Variants in ALOX5 observed in about 807,000 individuals in gnomAD.
ALOX5 encodes polyunsaturated fatty acid 5-lipoxygenase.
ALOX5 carries 64 observed loss-of-function variants against 87.9 expected under a neutral mutation model. The ratio of observed to expected loss-of-function variants is 0.73; its 90% confidence interval spans 0.60 to 0.90. The LOEUF is 0.90. Among genes scored for constraint, ALOX5 ranks in the 40% least tolerant of loss-of-function variants. ALOX5 has a pLI of 0.00. For synonymous variants in ALOX5, 388 were observed against 355.1 expected (o/e 1.09, Z -1.04); for missense variants, 822 against 907.5 (o/e 0.91, Z 1.21).
At chr10:45,445,284 G>T (rs556941953) in intron 13 of ALOX5, among the ~76,000 whole-genome samples, 12 of 152,358 alleles carry the variant, frequency 7.9e-5, no homozygotes, top group African/African-American at 2.9e-4. Flanking sequence ...ACTTATCCAT[G>T]AAGCCCCAGC....
chr10:45,438,226 G>C (rs930674491), intron 7 of ALOX5, among the ~76,000 whole-genome samples: 1 of 151,760 alleles, frequency 6.6e-6, no homozygotes, highest in African/African-American at 2.4e-5. Context: ...AGGGGTGAGA[G>C]TGGACATCCT....
intron 2 of ALOX5, among the ~76,000 whole-genome samples, chr10:45,389,306 A>G (rs555627224): frequency 2.0e-5 from 3 of 152,222 alleles, no homozygotes; most frequent in African/African-American, 7.2e-5. Context: ...CACCCTAGCA[A>G]GGCAGGCCAA....
At chr10:45,443,283 G>T in intron 10 of ALOX5, 67 bp downstream of exon 10, 1 of 1,585,722 alleles carries the variant, frequency 6.3e-7, no homozygotes, top group Non-Finnish European at 8.6e-7. Flanking sequence ...CCTGGGGCGG[G>T]CCTGGCCCCT....
chr10:45,383,914 T>C (rs934968757), intron 2 of ALOX5, among the ~76,000 whole-genome samples: 44 of 152,228 alleles, frequency 2.9e-4, no homozygotes, highest in Non-Finnish European at 6.5e-4. Flanking sequence ...AGTTAGAAAA[T>C]GCTGGCTCTG....
In ALOX5 at chr10:45,424,112, A is replaced by C; in HGVS notation, c.626A>C (p.Glu209Ala). 6.2e-7 allele frequency: 1 copy of C among 1,614,200 alleles called. No homozygotes were observed. Residue 209 changes from glutamate to alanine, a missense_variant, in exon 5 of 14, where the codon GAG (glutamate) becomes GCG (alanine). Coordinates refer to ENST00000374391, the MANE Select transcript of ALOX5 (RefSeq NM_000698.5). ...QSSWNDFADFEKIFVKISNTI... is the reference protein window; with the variant it reads ...QSSWNDFADFAKIFVKISNTI... ...TCTTGGAATGACTTCGCCGACTTTG[A>C]GAAAATCTTTGTCAAGATCAGCAAC...
intron 4 of ALOX5, among the ~76,000 whole-genome samples, chr10:45,419,979 A>C (rs2132789868): frequency 6.6e-6 from 1 of 152,270 alleles, no homozygotes; most frequent in East Asian, 1.9e-4. Context: ...TGGAAAGCAA[A>C]GCGTGGGTTT....
intron 7 of ALOX5, among the ~76,000 whole-genome samples, chr10:45,437,004 C>T (rs1036936022): frequency 2.0e-5 from 3 of 152,162 alleles, no homozygotes; most frequent in African/African-American, 7.2e-5. Flanking sequence ...GAGATCACCA[C>T]GTTCCTGATA....
intron 7 of ALOX5, among the ~76,000 whole-genome samples, chr10:45,434,820 A>T (rs982987914): frequency 1.1e-4 from 17 of 152,344 alleles, no homozygotes; most frequent in Middle Eastern, 6.8e-3. Flanking sequence ...AATTGGACAG[A>T]TAAATGTGCA....
At chr10:45,409,151 T>C (rs1840977684) in intron 3 of ALOX5, among the ~76,000 whole-genome samples, 2 of 152,196 alleles carry the variant, frequency 1.3e-5, no homozygotes, top group Non-Finnish European at 2.9e-5. Flanking sequence ...GTAAGGCAAA[T>C]GCTGAGCCAT....
At chr10:45,428,202 C>T (rs1232796930) in intron 6 of ALOX5, among the ~76,000 whole-genome samples, 3 of 151,826 alleles carry the variant, frequency 2.0e-5, no homozygotes, top group African/African-American at 7.3e-5. Context: ...AGGGAGACCC[C>T]TGTCCTGGCT....
At position 45,395,952 on chromosome 10, in the gene ALOX5, A is replaced by G. The variant is rs1229732508; in HGVS notation, c.431+16A>G. 1 of 1,612,846 alleles carries G rather than the reference A, an allele frequency of 6.2e-7. No individual in the cohort carries two copies. Among genetic ancestry groups the G allele is most frequent in the Non-Finnish European group, 8.5e-7 (1 of 1,178,752 alleles). ...AACAATATCGGTGAGTTATGACATC[A>G]GATCGAGTGGCCACGGGGCCATGGT... On this transcript the variant is annotated intron_variant, in intron 3 of 13. Transcript: ENST00000374391.
intron 3 of ALOX5, among the ~76,000 whole-genome samples, chr10:45,406,950 G>A (rs894785327): frequency 7.2e-5 from 11 of 152,098 alleles, no homozygotes; most frequent in African/African-American, 2.7e-4. Context: ...TATATTTGCT[G>A]TAGTTTTATA....
chr10:45,439,366 A>G (rs1217153215), intron 7 of ALOX5, among the ~76,000 whole-genome samples: 2 of 152,208 alleles, frequency 1.3e-5, no homozygotes, highest in East Asian at 3.8e-4. Context: ...ACTGTGCTGC[A>G]GTGACACTGG....
chr10:45,395,362 AAAC>A (rs1254925460), intron 2 of ALOX5, among the ~76,000 whole-genome samples: 9 of 152,190 alleles, frequency 5.9e-5, no homozygotes, highest in Non-Finnish European at 1.3e-4. Context: ...AAGGACAAAA[AAAC>A]AAACACTACA....
chr10:45,412,087 A>T, intron 3 of ALOX5, 104 bp from the exon 4 acceptor site: 1 of 1,508,388 alleles, frequency 6.6e-7, no homozygotes, highest in Admixed American at 1.9e-5. Flanking sequence ...TGAGTACATC[A>T]ATCTCCCTGT....
intron 2 of ALOX5, among the ~76,000 whole-genome samples, chr10:45,390,311 G>C (rs1840172645): frequency 6.6e-6 from 1 of 152,170 alleles, no homozygotes; most frequent in African/African-American, 2.4e-5. Flanking sequence ...GGATATCCAG[G>C]AATTGAACTC....
chr10:45,417,661 C>T (rs1187906539), intron 4 of ALOX5, among the ~76,000 whole-genome samples: 1 of 152,174 alleles, frequency 6.6e-6, no homozygotes, highest in African/African-American at 2.4e-5. Flanking sequence ...TCTTGGTTGG[C>T]TCAATTGCAG....
chr10:45,374,279 C>T lies in ALOX5; in HGVS notation c.-1C>T. 6.7e-7 allele frequency: 1 copy of T among 1,484,236 alleles called. No homozygotes were observed. The highest frequency in any genetic ancestry group is 1.3e-5 in the South Asian group (1 of 77,828). 91.9% of individuals were successfully genotyped at this position (1,484,236 alleles called of 1,614,324 possible). On this transcript the variant is annotated 5_prime_UTR_variant, in exon 1 of 14. Coordinates refer to ENST00000374391, the MANE Select transcript of ALOX5 (RefSeq NM_000698.5). The stretch of plus-strand genomic sequence containing the variant: ...CGCTCGCTGCTCCCGCGGCCCGCGC[C>T]ATGCCCTCCTACACGGTCACCGTGG...
intron 1 of ALOX5, 113 bp downstream of exon 1, chr10:45,374,542 G>A (rs1839515463): frequency 9.4e-7 from 1 of 1,061,160 alleles, no homozygotes; most frequent in Non-Finnish European, 1.3e-6. Flanking sequence ...GGCCCGGACA[G>A]GACTGGGGGT....
Sources: allele counts gnomAD v4.1 joint callset (sites outside exome capture counted in the v4.1 genomes callset), GRCh38; gene constraint gnomAD v4.1.1; transcripts MANE v1.5; gene names NCBI Gene and HGNC (gene_info 2026-07-23, HGNC 2026-07-21).